ZCWPW1: variants seen among roughly 807,000 people sequenced by gnomAD.
ZCWPW1 encodes zinc finger CW-type PWWP domain protein 1.
A neutral mutation model predicts 81.3 loss-of-function variants in ZCWPW1; 56 were observed. The ratio of observed to expected loss-of-function variants is 0.69; its 90% CI spans 0.56 to 0.86. The LOEUF (loss-of-function observed/expected upper bound fraction) is 0.86. ZCWPW1 is among the 40% of genes least tolerant of loss of function. ZCWPW1 has a pLI of 0.00. For missense variants in ZCWPW1, 650 were observed against 769.8 expected, an observed-to-expected ratio of 0.84 and a Z score of 1.84; for synonymous variants, 250 against 273.7, an observed-to-expected ratio of 0.91 and a Z score of 0.86.
At position 100,401,202 on chromosome 7, in the gene ZCWPW1, C is replaced by A. The variant is rs767534945; in HGVS notation, c.1762G>T (p.Glu588Ter). The A allele has an allele frequency of 5.0e-6, 8 of 1,614,114 alleles. No individual in the cohort carries two copies. In the Admixed American group the frequency reaches 8.3e-5, roughly 17 times the overall value. ...AGGGGTTCCCGGTGTCTGGGCTCTTCTTTCGCAGATGAGGGGCAGGCCCCC... is the reference window on the plus strand; with the variant it reads ...AGGGGTTCCCGGTGTCTGGGCTCTTATTTCGCAGATGAGGGGCAGGCCCCC... ...CKGACPSSAKEEPRHREPLTQ... is the reference protein window; with the variant it reads ...CKGACPSSAK Residue 588 changes from glutamate to a stop codon, truncating the protein, a stop_gained, in exon 18 of 18, where the codon GAA becomes TAA. Transcript: ENST00000684423. LOFTEE classifies it low-confidence loss of function (END_TRUNC).
Position 100,400,925 on chromosome 7 carries a change from T to C in ZCWPW1, c.*89A>G. On this transcript the variant is annotated 3_prime_UTR_variant, in exon 18 of 18. Coordinates refer to ENST00000684423, the MANE Select transcript of ZCWPW1 (RefSeq NM_001386010.1). ...AAACTGCACCACACACATTTGAACC[T>C]CATAGCCAATGAACAGACCCAGCAC... is the stretch of plus-strand genomic sequence containing the variant. 7.3e-7 allele frequency: 1 copy of C among 1,366,312 alleles called. No homozygotes were observed. Among genetic ancestry groups the C allele is most frequent in the Non-Finnish European group, 9.7e-7 (1 of 1,028,276 alleles). 84.6% of individuals were successfully genotyped at this position (1,366,312 alleles called of 1,614,324 possible).
In ZCWPW1 at chr7:100,419,233, TA is replaced by T. The variant is rs767543914; in HGVS notation, c.283-45del. On this transcript the variant is annotated intron_variant, in intron 4 of 17. Transcript: ENST00000684423. The stretch of plus-strand genomic sequence containing the variant: ...GGGAGGAAAACCACTTATCTTTCCA[TA>T]GTTTTCCCCTCTGAACAGTCAGGGA... 3.6e-5 allele frequency: 57 copies of T among 1,561,950 alleles called. No homozygotes were observed. In the African/African-American group the frequency reaches 6.5e-4, roughly 18 times the overall value.
intron 4 of ZCWPW1, 130 bp downstream of exon 4, chr7:100,419,500 T>A: frequency 6.8e-7 from 1 of 1,460,830 alleles, no homozygotes; most frequent in South Asian, 1.5e-5. Flanking sequence ...AAGGAAGCCC[T>A]CAAAAAGGAA....
intron 10 of ZCWPW1, among the ~76,000 whole-genome samples, chr7:100,407,965 T>C (rs1269649656): frequency 6.6e-6 from 1 of 152,176 alleles, no homozygotes; most frequent in Non-Finnish European, 1.5e-5. Context: ...TTTTATTTAT[T>C]TTTGAGATGG....
intron 8 of ZCWPW1, among the ~76,000 whole-genome samples, chr7:100,411,765 T>C (rs1391424221): frequency 6.6e-6 from 1 of 151,984 alleles, no homozygotes; most frequent in Non-Finnish European, 1.5e-5. Context: ...GTGAAAGCAG[T>C]GAGTACTCAT....
At chr7:100,422,843 T>C (rs997703728) in intron 2 of ZCWPW1, among the ~76,000 whole-genome samples, 1 of 152,236 alleles carries the variant, frequency 6.6e-6, no homozygotes, top group Non-Finnish European at 1.5e-5. Context: ...TTTGGTTTTC[T>C]GTTCCTGCGT....
chr7:100,419,964 T>C (rs1796054103), intron 3 of ZCWPW1, 81 bp from the exon 4 acceptor site: 1 of 1,168,784 alleles, frequency 8.6e-7, no homozygotes, highest in Non-Finnish European at 1.2e-6. Flanking sequence ...TGACTAGCCA[T>C]AACAGAATGA....
At chr7:100,405,962 CA>C (rs1166051314) in intron 12 of ZCWPW1, among the ~76,000 whole-genome samples, 1 of 152,158 alleles carries the variant, frequency 6.6e-6, no homozygotes, top group African/African-American at 2.4e-5. Context: ...GTGTCCTCTC[CA>C]AAGTGAATCC....
chr7:100,423,032 A>T (rs1227867785), intron 2 of ZCWPW1, among the ~76,000 whole-genome samples: 2 of 152,174 alleles, frequency 1.3e-5, no homozygotes, highest in African/African-American at 2.4e-5. Flanking sequence ...CTTAGGGGAT[A>T]TATGCCATTC....
chr7:100,413,852 A>C (rs1322154388), intron 8 of ZCWPW1, among the ~76,000 whole-genome samples: 1 of 152,034 alleles, frequency 6.6e-6, no homozygotes, highest in African/African-American at 2.4e-5. Context: ...CCAAAGTGCT[A>C]AGATTACAGG....
At chr7:100,411,870 A>G (rs959377086) in intron 8 of ZCWPW1, among the ~76,000 whole-genome samples, 21 of 152,182 alleles carry the variant, frequency 1.4e-4, no homozygotes, top group African/African-American at 5.1e-4. Flanking sequence ...TACTTTTTTA[A>G]AAGTTCAAGT....
intron 1 of ZCWPW1, among the ~76,000 whole-genome samples, chr7:100,425,608 C>G (rs1797179794): frequency 6.6e-6 from 1 of 152,168 alleles, no homozygotes; most frequent in Admixed American, 6.5e-5. Flanking sequence ...TTCCAACTAC[C>G]TATCTGTATT....
chr7:100,405,876 C>T (rs968775355), intron 12 of ZCWPW1, among the ~76,000 whole-genome samples: 44 of 152,254 alleles, frequency 2.9e-4, no homozygotes, highest in African/African-American at 8.7e-4. Flanking sequence ...CTGCCCACCT[C>T]GGCCTCCCAA....
At chr7:100,407,448 A>T (rs1793273717) in intron 10 of ZCWPW1, 145 bp from the exon 11 acceptor site, 1 of 700,376 alleles carries the variant, frequency 1.4e-6, no homozygotes, top group African/African-American at 1.8e-5. Flanking sequence ...GCTGGAGTGC[A>T]GTGTTACAAC....
chr7:100,413,064 CA>C (rs1343521951), intron 8 of ZCWPW1, among the ~76,000 whole-genome samples: 2 of 152,100 alleles, frequency 1.3e-5, no homozygotes, highest in Admixed American at 6.6e-5. Context: ...TCATCTTAAT[CA>C]AAGCCTAATA....
At chr7:100,424,788 G>A (rs546324510) in intron 2 of ZCWPW1, among the ~76,000 whole-genome samples, 3 of 152,196 alleles carry the variant, frequency 2.0e-5, no homozygotes, top group African/African-American at 7.2e-5. Flanking sequence ...TTAAAAGAGA[G>A]TATTTCGACC....
chr7:100,416,984 T>C (rs547265597), intron 6 of ZCWPW1, 82 bp downstream of exon 6: 9 of 981,922 alleles, frequency 9.2e-6, no homozygotes, highest in South Asian at 2.9e-5. Flanking sequence ...AATGACCAGA[T>C]AGACAGACAG....
At chr7:100,425,409 T>C (rs1797140411) in intron 1 of ZCWPW1, among the ~76,000 whole-genome samples, 1 of 151,904 alleles carries the variant, frequency 6.6e-6, no homozygotes, top group Admixed American at 6.6e-5. Flanking sequence ...ACATATGAAA[T>C]GAGGGTAAAT....
intron 12 of ZCWPW1, 92 bp downstream of exon 12, chr7:100,406,602 C>T: frequency 8.2e-7 from 1 of 1,213,318 alleles, no homozygotes; most frequent in African/African-American, 1.5e-5. Flanking sequence ...AGAACTTTCT[C>T]CCGACATGGC....
Sources: allele counts gnomAD v4.1 joint callset (sites outside exome capture counted in the v4.1 genomes callset), GRCh38; gene constraint gnomAD v4.1.1; transcripts MANE v1.5; gene names NCBI Gene and HGNC (gene_info 2026-07-23, HGNC 2026-07-21).